The following SYN2 variants were observed in gnomAD, a reference collection of about 807,000 sequenced individuals.
SYN2 encodes the protein synapsin II, also known as synapsin-2.
SYN2 carries 19 observed loss-of-function variants against 50.9 expected under a neutral mutation model. The ratio of observed to expected loss-of-function variants is 0.37; its 90% CI spans 0.26 to 0.55. The LOEUF (loss-of-function observed/expected upper bound fraction) is 0.55. SYN2 is among the 20% of genes least tolerant of loss of function. SYN2 has a pLI of 0.81. For missense variants in SYN2, 587 were observed against 576.4 expected, an observed-to-expected ratio of 1.02 and a Z score of -0.19; for synonymous variants, 255 against 224.9, an observed-to-expected ratio of 1.13 and a Z score of -1.20.
intron 11 of SYN2, among the ~76,000 whole-genome samples, chr3:12,186,209 G>A (rs891937632): frequency 6.6e-6 from 1 of 152,156 alleles, no homozygotes; most frequent in African/African-American, 2.4e-5. Flanking sequence ...CAGCAGGCCC[G>A]TGGATGTGGA....
chr3:12,077,511 C>A (rs1695495471), intron 1 of SYN2, among the ~76,000 whole-genome samples: 4 of 151,828 alleles, frequency 2.6e-5, no homozygotes. Context: ...TGGTGTTCCC[C>A]TCCCTGTGTC....
chr3:12,084,812 C>A (rs1695656773), intron 1 of SYN2, among the ~76,000 whole-genome samples: 1 of 152,026 alleles, frequency 6.6e-6, no homozygotes, highest in African/African-American at 2.4e-5. Flanking sequence ...AAAGCTGTTA[C>A]CAACTTAAAA....
intron 1 of SYN2, among the ~76,000 whole-genome samples, chr3:12,044,181 TCACACACA>T (rs1553610019): frequency 3.0e-4 from 16 of 53,402 alleles, no homozygotes; most frequent in East Asian, 7.8e-4. Flanking sequence ...TCTCTCTCTC[TCACACACA>T]CACACACACA....
chr3:12,012,507 G>A (rs1018999780), intron 1 of SYN2, among the ~76,000 whole-genome samples: 1 of 152,154 alleles, frequency 6.6e-6, no homozygotes. Flanking sequence ...TGCTCATTGT[G>A]CTTATTCACA....
intron 2 of SYN2, 104 bp downstream of exon 2, chr3:12,140,812 A>T: frequency 4.2e-6 from 3 of 712,374 alleles, no homozygotes; most frequent in Non-Finnish European, 7.8e-6. Context: ...TGTGTCCATC[A>T]TTGGGTTCTG....
chr3:12,161,705 T>C, intron 6 of SYN2, 97 bp downstream of exon 6: 1 of 1,384,692 alleles, frequency 7.2e-7, no homozygotes, highest in South Asian at 1.2e-5. Context: ...CTGTCACTGA[T>C]GAATTCTTTC....
chr3:12,080,675 TTA>T (rs1199646085), intron 1 of SYN2, among the ~76,000 whole-genome samples: 2 of 152,208 alleles, frequency 1.3e-5, no homozygotes, highest in Non-Finnish European at 2.9e-5. Flanking sequence ...AGACTTTTTG[TTA>T]TGATTTCAGT....
intron 1 of SYN2, among the ~76,000 whole-genome samples, chr3:12,094,436 A>C (rs1223990749): frequency 1.3e-5 from 2 of 152,248 alleles, no homozygotes; most frequent in East Asian, 3.8e-4. Context: ...AAGATAGGAA[A>C]TATCAGTTCC....
chr3:12,015,352 T>A (rs1014679951), intron 1 of SYN2, among the ~76,000 whole-genome samples: 1 of 152,198 alleles, frequency 6.6e-6, no homozygotes, highest in Admixed American at 6.5e-5. Flanking sequence ...AACACTGAGA[T>A]CCCCTTGAAG....
intron 1 of SYN2, among the ~76,000 whole-genome samples, chr3:12,125,289 C>T (rs1459641426): frequency 1.3e-5 from 2 of 151,972 alleles, no homozygotes; most frequent in African/African-American, 4.8e-5. Flanking sequence ...CGTGAGCCAC[C>T]ACGCCCAGCC....
intron 1 of SYN2, among the ~76,000 whole-genome samples, chr3:12,078,355 G>T (rs927633400): frequency 1.3e-5 from 2 of 152,028 alleles, no homozygotes; most frequent in South Asian, 4.1e-4. Flanking sequence ...TGTTGCAATT[G>T]CTTTCATCAT....
intron 1 of SYN2, among the ~76,000 whole-genome samples, chr3:12,012,277 C>G (rs1693925270): frequency 6.6e-6 from 1 of 151,992 alleles, no homozygotes; most frequent in African/African-American, 2.4e-5. Context: ...AATAGCTCTC[C>G]TTCAGTTTTA....
At chr3:12,033,214 C>A (rs1284929074) in intron 1 of SYN2, among the ~76,000 whole-genome samples, 9 of 152,058 alleles carry the variant, frequency 5.9e-5, no homozygotes, top group African/African-American at 2.2e-4. Flanking sequence ...GTCAGGGACC[C>A]ACTTGAGGAG....
At chr3:12,057,739 GT>G (rs1695026021) in intron 1 of SYN2, among the ~76,000 whole-genome samples, 1 of 151,862 alleles carries the variant, frequency 6.6e-6, no homozygotes, top group Non-Finnish European at 1.5e-5. Context: ...TTCCACTCCC[GT>G]GACATGCTTT....
intron 1 of SYN2, among the ~76,000 whole-genome samples, chr3:12,038,550 A>AT (rs1404455847): frequency 2.6e-5 from 4 of 152,086 alleles, no homozygotes; most frequent in East Asian, 3.9e-4. Context: ...ATGAACACAG[A>AT]TTTTTTTCAT....
intron 1 of SYN2, among the ~76,000 whole-genome samples, chr3:12,120,555 G>A (rs1696533186): frequency 6.6e-6 from 1 of 152,218 alleles, no homozygotes; most frequent in South Asian, 2.1e-4. Flanking sequence ...CTGTCCCTTA[G>A]CCAGTCTGGC....
intron 1 of SYN2, among the ~76,000 whole-genome samples, chr3:12,006,642 T>A (rs919636210): frequency 1.3e-5 from 2 of 152,180 alleles, no homozygotes; most frequent in Admixed American, 6.5e-5. Flanking sequence ...CTCCACTGCT[T>A]TCATTCCACT....
In SYN2 at chr3:12,169,760, A is replaced by G. The variant is rs1697895832; in HGVS notation, c.1162A>G (p.Met388Val). Residue 388 changes from methionine to valine, a missense_variant, in exon 10 of 13, where the codon ATG (methionine) becomes GTG (valine). By Grantham distance (21) the Met-to-Val change is conservative (BLOSUM62 1). Transcript: ENST00000621198. The part of the protein sequence containing the change: ...KDGKDYIFEV[M>V]DCSMPLIGEH... ...CCTGGGACACATCTCCCACCAGGTC[A>G]TGGACTGTAGCATGCCACTGATTGG... The G allele has an allele frequency of 1.2e-6, 2 of 1,613,776 alleles. No individual in the cohort carries two copies. The highest frequency in any genetic ancestry group is 1.7e-5 in the Admixed American group (1 of 59,984).
At chr3:12,083,309 G>C (rs1383848010) in intron 1 of SYN2, among the ~76,000 whole-genome samples, 1 of 152,216 alleles carries the variant, frequency 6.6e-6, no homozygotes. Flanking sequence ...ACTGCGCCCA[G>C]CCTGTTGTTT....
Sources: allele counts gnomAD v4.1 joint callset (sites outside exome capture counted in the v4.1 genomes callset), GRCh38; gene constraint gnomAD v4.1.1; transcripts MANE v1.5; gene names NCBI Gene and HGNC (gene_info 2026-07-23, HGNC 2026-07-21).